The following NYAP2 variants were observed in gnomAD, a reference collection of about 807,000 sequenced individuals.
NYAP2 encodes the protein neuronal tyrosine-phosphorylated phosphoinositide-3-kinase adapter 2.
Under a neutral mutation model 50.4 loss-of-function variants are expected in NYAP2, and 23 were observed. That is an observed-to-expected ratio of 0.46 (90% CI 0.33 to 0.65). The LOEUF is 0.65. Ranked by LOEUF, NYAP2 falls within the 30% of genes least tolerant of loss-of-function variation. The probability of loss-of-function intolerance (pLI) is 0.02; values close to 1 mark genes in which losing one functional copy is unlikely to be tolerated. For missense variants in NYAP2, 885 were observed against 861.0 expected (o/e 1.03, Z -0.35); for synonymous variants, 394 against 365.2 (o/e 1.08, Z -0.90).
chr2:225,545,915 T>A lies in NYAP2; in HGVS notation c.523+32243T>A, dbSNP rs1356319104. 2.0e-5 allele frequency among the ~76,000 whole-genome samples: 3 copies of A among 152,230 alleles called. No individual in the cohort carries two copies. In the East Asian group the frequency reaches 5.8e-4, roughly 29 times the overall value. On this transcript the variant is annotated intron_variant, in intron 4 of 6. Transcript: ENST00000636099. ...GTGTTAGGGAGCACCCTAAGCCCAA[T>A]GATGCTGTCATTCTTACAGACTCAT...
the NYAP2 span, chr2:225,702,089 C>G: frequency 6.6e-6 from 1 of 151,584 alleles, no homozygotes; most frequent in Non-Finnish European, 1.5e-5. Flanking sequence ...AATTAAGAAA[C>G]AATTCCTACG....
At chr2:225,614,654 T>G (rs1034960654) in intron 5 of NYAP2, among the ~76,000 whole-genome samples, 1 of 152,204 alleles carries the variant, frequency 6.6e-6, no homozygotes, top group Non-Finnish European at 1.5e-5. Flanking sequence ...AGTATACCAA[T>G]AAAAACATTT....
intron 3 of NYAP2, among the ~76,000 whole-genome samples, chr2:225,459,554 T>C (rs543524673): frequency 1.3e-5 from 2 of 152,344 alleles, no homozygotes; most frequent in Admixed American, 6.5e-5. Flanking sequence ...TAATTAAGCA[T>C]ATATACATTT....
At chr2:225,684,091 T>A in the NYAP2 span, among the ~76,000 whole-genome samples, 1 of 152,156 alleles carries the variant, frequency 6.6e-6, no homozygotes, top group Non-Finnish European at 1.5e-5. Context: ...TGACTCAGAC[T>A]TGGAGTCACA....
intron 3 of NYAP2, among the ~76,000 whole-genome samples, chr2:225,438,135 T>C (rs1389433564): frequency 6.6e-6 from 1 of 152,214 alleles, no homozygotes; most frequent in African/African-American, 2.4e-5. Context: ...TCATGTCTTA[T>C]CTTATGTCTC....
intron 3 of NYAP2, among the ~76,000 whole-genome samples, chr2:225,466,991 A>G (rs922357660): frequency 6.6e-6 from 1 of 152,180 alleles, no homozygotes; most frequent in South Asian, 2.1e-4. Context: ...GGGTGACTTG[A>G]AAGACAAATG....
At chr2:225,552,767 A>G (rs7601424) in intron 4 of NYAP2, among the ~76,000 whole-genome samples, 140,838 of 152,276 alleles carry the variant, frequency 0.92, 65,216 homozygotes, top group Middle Eastern at 0.99. Flanking sequence ...CTCGGCTCAC[A>G]GCAACCTCTG....
intron 5 of NYAP2, among the ~76,000 whole-genome samples, chr2:225,605,933 G>A (rs1692777574): frequency 6.6e-6 from 1 of 152,044 alleles, no homozygotes; most frequent in African/African-American, 2.4e-5. Context: ...TATGTTAAGT[G>A]TTGCTAAAAA....
the NYAP2 span, among the ~76,000 whole-genome samples, chr2:225,683,073 A>G: frequency 6.6e-6 from 1 of 151,848 alleles, no homozygotes; most frequent in Non-Finnish European, 1.5e-5. Flanking sequence ...GACTCTTTGC[A>G]TTCTTTGGAG....
intron 3 of NYAP2, among the ~76,000 whole-genome samples, chr2:225,438,175 C>G (rs2106138707): frequency 6.6e-6 from 1 of 152,254 alleles, no homozygotes; most frequent in South Asian, 2.1e-4. Flanking sequence ...CTGCCCAGTA[C>G]CACATATCTA....
At chr2:225,572,439 G>C (rs1477728757) in intron 4 of NYAP2, among the ~76,000 whole-genome samples, 1 of 152,172 alleles carries the variant, frequency 6.6e-6, no homozygotes, top group African/African-American at 2.4e-5. Context: ...CCTCTTCACA[G>C]GGGTGCAGGA....
chr2:225,633,680 G>A (rs1693359143), intron 6 of NYAP2, among the ~76,000 whole-genome samples: 1 of 152,194 alleles, frequency 6.6e-6, no homozygotes, highest in Admixed American at 6.5e-5. Context: ...TGATGGAAAT[G>A]CAGGTGACCT....
intron 3 of NYAP2, among the ~76,000 whole-genome samples, chr2:225,501,569 T>C (rs181987419): frequency 2.3e-4 from 35 of 152,292 alleles, no homozygotes; most frequent in African/African-American, 7.9e-4. Context: ...GTATGTTGAA[T>C]TTTTCAAATT....
chr2:225,462,626 A>G (rs908634510), intron 3 of NYAP2, among the ~76,000 whole-genome samples: 20 of 152,216 alleles, frequency 1.3e-4, no homozygotes, highest in Admixed American at 1.3e-3. Flanking sequence ...CTCCCAGGAA[A>G]TGCAATTCCC....
chr2:225,668,061 C>A, the NYAP2 span, among the ~76,000 whole-genome samples: 2 of 152,060 alleles, frequency 1.3e-5, no homozygotes, highest in African/African-American at 4.8e-5. Flanking sequence ...TATACCCCTC[C>A]CCAGTCTGGG....
intron 3 of NYAP2, among the ~76,000 whole-genome samples, chr2:225,477,928 A>G (rs747734980): frequency 2.6e-5 from 4 of 152,154 alleles, no homozygotes; most frequent in Non-Finnish European, 5.9e-5. Context: ...GAGGAGGAGA[A>G]ACTGCCTTTA....
At chr2:225,675,086 T>A in the NYAP2 span, among the ~76,000 whole-genome samples, 3 of 152,122 alleles carry the variant, frequency 2.0e-5, no homozygotes, top group African/African-American at 7.2e-5. Context: ...TATTAGTGAT[T>A]TTTTCACAAT....
intron 3 of NYAP2, among the ~76,000 whole-genome samples, chr2:225,466,777 T>C (rs141047003): frequency 1.6e-4 from 24 of 152,320 alleles, no homozygotes; most frequent in African/African-American, 4.8e-4. Flanking sequence ...TGAGAGAATT[T>C]GTATTTGGTA....
chr2:225,657,658 T>C (rs1693849839), downstream of NYAP2, among the ~76,000 whole-genome samples: 1 of 145,054 alleles, frequency 6.9e-6, no homozygotes, highest in African/African-American at 2.6e-5. Flanking sequence ...AATGTAAGAG[T>C]AGAAAAACTT....
Sources: allele counts gnomAD v4.1 joint callset (sites outside exome capture counted in the v4.1 genomes callset), GRCh38; gene constraint gnomAD v4.1.1; transcripts MANE v1.5; gene names NCBI Gene and HGNC (gene_info 2026-07-23, HGNC 2026-07-21).